FAM227B: variants seen among roughly 807,000 people sequenced by gnomAD.
The protein encoded by FAM227B is protein FAM227B.
FAM227B carries 88 observed loss-of-function variants against 73.8 expected under a neutral mutation model. The observed-to-expected ratio is 1.19, with a 90% CI of 1.00 to 1.42. The LOEUF (loss-of-function observed/expected upper bound fraction) is 1.42, where lower values mean the gene tolerates loss of function less well. Ranked by LOEUF, FAM227B falls within the 40% of genes most tolerant of loss-of-function variation. The pLI is 0.00. For missense variants in FAM227B, 632 were observed against 590.9 expected (o/e 1.07, Z -0.72); for synonymous variants, 210 against 190.5 (o/e 1.10, Z -0.84).
At chr15:49,497,412 T>C (rs1480960862) in intron 11 of FAM227B, among the ~76,000 whole-genome samples, 1 of 152,176 alleles carries the variant, frequency 6.6e-6, no homozygotes, top group Non-Finnish European at 1.5e-5. Flanking sequence ...TCAGATACCA[T>C]GAGCCAAGCC....
At chr15:49,558,908 G>A (rs1291357614) in intron 9 of FAM227B, among the ~76,000 whole-genome samples, 1 of 152,024 alleles carries the variant, frequency 6.6e-6, no homozygotes, top group African/African-American at 2.4e-5. Flanking sequence ...ACTCACTCAT[G>A]TGGGCCCAAA....
chr15:49,471,393 G>C (rs1275512500), intron 11 of FAM227B, among the ~76,000 whole-genome samples: 1 of 151,590 alleles, frequency 6.6e-6, no homozygotes, highest in Admixed American at 6.6e-5. Flanking sequence ...TGAAGGAGGA[G>C]AATTGCTTGA....
chr15:49,407,864 C>A (rs2048624266), intron 11 of FAM227B, among the ~76,000 whole-genome samples: 1 of 152,012 alleles, frequency 6.6e-6, no homozygotes, highest in Non-Finnish European at 1.5e-5. Context: ...CATCCCCACT[C>A]CACATCCGCT....
intron 10 of FAM227B, among the ~76,000 whole-genome samples, chr15:49,511,609 C>T (rs997298914): frequency 1.3e-5 from 2 of 152,124 alleles, no homozygotes; most frequent in Non-Finnish European, 2.9e-5. Flanking sequence ...TGCTCTCCCT[C>T]CCTCTGCATC....
At chr15:49,349,796 T>C (rs2041995192) in intron 13 of FAM227B, among the ~76,000 whole-genome samples, 1 of 152,164 alleles carries the variant, frequency 6.6e-6, no homozygotes, top group Admixed American at 6.6e-5. Context: ...TGAAGCCATG[T>C]GTATGGACCA....
intron 10 of FAM227B, among the ~76,000 whole-genome samples, chr15:49,527,059 C>T (rs2060258048): frequency 1.3e-5 from 2 of 151,592 alleles, no homozygotes; most frequent in Middle Eastern, 3.2e-3. Context: ...TCACCCAGTA[C>T]CAAAATCAGG....
chr15:49,361,385 C>T (rs577518864), intron 13 of FAM227B, among the ~76,000 whole-genome samples: 9 of 152,058 alleles, frequency 5.9e-5, no homozygotes, highest in Non-Finnish European at 1.2e-4. Flanking sequence ...TTTTTTGATC[C>T]TCACCCTCCT....
At chr15:49,468,737 T>A (rs911287489) in intron 11 of FAM227B, among the ~76,000 whole-genome samples, 1 of 152,108 alleles carries the variant, frequency 6.6e-6, no homozygotes, top group Non-Finnish European at 1.5e-5. Context: ...ACTCAAACAT[T>A]GAATCATTCC....
At chr15:49,560,786 A>G (rs887283169) in intron 9 of FAM227B, among the ~76,000 whole-genome samples, 2 of 152,202 alleles carry the variant, frequency 1.3e-5, no homozygotes, top group Non-Finnish European at 2.9e-5. Context: ...ACTAAGCTTC[A>G]TAAGTAAGGG....
chr15:49,440,554 C>T (rs1240251914), intron 11 of FAM227B, among the ~76,000 whole-genome samples: 1 of 151,638 alleles, frequency 6.6e-6, no homozygotes, highest in Non-Finnish European at 1.5e-5. Context: ...AGTCATACAG[C>T]TAAAATAAAA....
intron 11 of FAM227B, among the ~76,000 whole-genome samples, chr15:49,387,876 C>A (rs955092373): frequency 6.6e-6 from 1 of 151,344 alleles, no homozygotes; most frequent in Admixed American, 6.6e-5. Context: ...TTTATAAGAG[C>A]TGCAAAAAGG....
intron 11 of FAM227B, among the ~76,000 whole-genome samples, chr15:49,421,958 G>A (rs369120853): frequency 6.6e-6 from 1 of 152,190 alleles, no homozygotes; most frequent in South Asian, 2.1e-4. Context: ...CATATGAAGA[G>A]TAACTGGGTA....
At chr15:49,433,746 C>T (rs1044511094) in intron 11 of FAM227B, among the ~76,000 whole-genome samples, 1 of 151,630 alleles carries the variant, frequency 6.6e-6, no homozygotes, top group African/African-American at 2.4e-5. Flanking sequence ...TAGTGAAGAC[C>T]AATTCTAGAG....
chr15:49,528,504 C>T (rs1249149838), intron 10 of FAM227B, among the ~76,000 whole-genome samples: 4 of 151,288 alleles, frequency 2.6e-5, no homozygotes, highest in Non-Finnish European at 3.0e-5. Flanking sequence ...ACCAGTGAGA[C>T]GTAACCTAAA....
intron 11 of FAM227B, among the ~76,000 whole-genome samples, chr15:49,446,066 T>C: frequency 6.6e-6 from 1 of 151,730 alleles, no homozygotes; most frequent in Non-Finnish European, 1.5e-5. Context: ...TATTTCTAAA[T>C]AACAATGTTT....
At chr15:49,595,060 A>G (rs916267396) in intron 3 of FAM227B, among the ~76,000 whole-genome samples, 2 of 151,998 alleles carry the variant, frequency 1.3e-5, no homozygotes, top group Non-Finnish European at 2.9e-5. Context: ...CATGAATATG[A>G]GATGTGTTTC....
At chr15:49,548,400 C>T (rs543428257) in intron 9 of FAM227B, among the ~76,000 whole-genome samples, 21 of 152,140 alleles carry the variant, frequency 1.4e-4, no homozygotes, top group South Asian at 6.2e-4. Flanking sequence ...ATCTTTCTCA[C>T]GTATTGTTGA....
At chr15:49,442,492 T>C (rs556817116) in intron 11 of FAM227B, among the ~76,000 whole-genome samples, 2 of 151,836 alleles carry the variant, frequency 1.3e-5, no homozygotes, top group Non-Finnish European at 3.0e-5. Context: ...TCCTAGACTT[T>C]AGAACCAGGA....
At chr15:49,365,912 T>C (rs2045092919) in intron 13 of FAM227B, 4 of 961,964 alleles carry the variant, frequency 4.2e-6, no homozygotes, top group South Asian at 3.8e-5. Context: ...TACAGACTCA[T>C]TGCTGATACT....
Sources: allele counts gnomAD v4.1 joint callset (sites outside exome capture counted in the v4.1 genomes callset), GRCh38; gene constraint gnomAD v4.1.1; transcripts MANE v1.5; gene names NCBI Gene and HGNC (gene_info 2026-07-23, HGNC 2026-07-21).